The following KRT25 variants were observed in gnomAD, a reference collection of about 807,000 sequenced individuals.
The protein encoded by KRT25 is keratin, type I cytoskeletal 25.
Under a neutral mutation model 47.6 loss-of-function variants are expected in KRT25, and 37 were observed. The ratio of observed to expected loss-of-function variants is 0.78; its 90% CI spans 0.60 to 1.02. KRT25 has a LOEUF of 1.02. Ranked by LOEUF, KRT25 falls within the 50% of genes least tolerant of loss-of-function variation. The probability of loss-of-function intolerance (pLI) is 0.00; values close to 1 mark genes in which losing one functional copy is unlikely to be tolerated. For synonymous variants in KRT25, 203 were observed against 210.2 expected (o/e 0.97, Z 0.30); for missense variants, 542 against 550.3 (o/e 0.98, Z 0.15).
In KRT25 at chr17:40,751,048, T is replaced by C; in HGVS notation, c.863A>G (p.Asp288Gly). 6.2e-7 allele frequency: 1 copy of C among 1,614,144 alleles called. No individual in the cohort carries two copies. The highest frequency in any genetic ancestry group is 8.5e-7 in the Non-Finnish European group (1 of 1,180,010). ...CCGGGCTGAGGTTGTGGCTCCGACA[T>C]CCTCAGAGATCTGCTGCTGCAGGGA... ...SASLQQQISEDVGATTSARNE... is the reference protein window; with the variant it reads ...SASLQQQISEGVGATTSARNE... The change falls in exon 5 of 8, where the codon GAT becomes GGT. Residue 288 changes from aspartate to glycine, a missense_variant. Physicochemically the swap from Asp to Gly is moderately conservative, Grantham distance 94. Coordinates refer to ENST00000312150, the MANE Select transcript of KRT25 (RefSeq NM_181534.4).
chr17:40,749,309 C>T lies in KRT25; in HGVS notation c.1192G>A (p.Gly398Ser). The T allele has an allele frequency of 2.5e-6, 4 of 1,613,308 alleles. No homozygotes were observed. Among genetic ancestry groups the T allele is most frequent in the Non-Finnish European group, 3.4e-6 (4 of 1,179,302 alleles). The change falls in exon 7 of 8, where the codon GGT becomes AGT. Residue 398 changes from glycine to serine, a missense_variant. Physicochemically the swap from Gly to Ser is moderately conservative, Grantham distance 56. Coordinates refer to ENST00000312150, the MANE Select transcript of KRT25 (RefSeq NM_181534.4). ...GGDDGACKSG[G>S]YKSKDYGSGN... Reference sequence around the variant, plus strand: ...GATCCATAATCTTTAGACTTGTAACCCCCAGACTTACAGGCTCTGTGAAAA... The same window carrying T: ...GATCCATAATCTTTAGACTTGTAACTCCCAGACTTACAGGCTCTGTGAAAA...
At position 40,751,014 on chromosome 17, in the gene KRT25, C is replaced by T. The variant is rs751192305; in HGVS notation, c.897G>A (p.Leu299=). The T allele has an allele frequency of 2.5e-6, 4 of 1,614,146 alleles. No homozygotes were observed. The highest frequency in any genetic ancestry group is 8.5e-7 in the Non-Finnish European group (1 of 1,180,038). Residue 299 remains leucine, a synonymous_variant, in exon 5 of 8, where the codon CTG becomes CTA. Coordinates refer to ENST00000312150, the MANE Select transcript of KRT25 (RefSeq NM_181534.4). ...VGATTSARNE[L]TEMKRTLQTL... is the part of the protein sequence containing the mutation. ...TTTGAAGAGTGCGCTTCATTTCAGT[C>T]AGCTCATTCCGGGCTGAGGTTGTGG...
Position 40,750,551 on chromosome 17 carries a change from C to A in KRT25, c.1004G>T (p.Cys335Phe), listed in dbSNP as rs777692095. 6.2e-6 allele frequency: 10 copies of A among 1,614,108 alleles called. No individual in the cohort carries two copies. Among genetic ancestry groups the A allele is most frequent in the Non-Finnish European group, 8.5e-6 (10 of 1,180,054 alleles). Residue 335 changes from cysteine (C) to phenylalanine (F), a missense_variant, in exon 6 of 8, where the codon TGT (cysteine) becomes TTT (phenylalanine). Transcript: ENST00000312150. ...CSLTETESNYCAQLAQIQAQI... is the reference protein window; with the variant it reads ...CSLTETESNYFAQLAQIQAQI... ...AGCCTGGATCTGCGCCAGCTGCGCA[C>A]AGTAGTTGCTCTCGGTCTCTGTCAA...
At position 40,755,110 on chromosome 17, in the gene KRT25, C is replaced by A; in HGVS notation, c.162G>T (p.Ser54=). ...GATTACCTCCCCCTGTGTTTCCTCC[C>A]GATGAGCTGCCTCCGAAGGCACTAG... ...GFSSAFGGSS[S]GGNTGGGNPC... is the part of the protein sequence containing the mutation. The change falls in exon 1 of 8, where the codon TCG becomes TCT. Residue 54 remains serine (S), a synonymous_variant. Coordinates refer to ENST00000312150, the MANE Select transcript of KRT25 (RefSeq NM_181534.4). The A allele has an allele frequency of 1.2e-6, 2 of 1,614,148 alleles. No homozygotes were observed. The highest frequency in any genetic ancestry group is 1.7e-6 in the Non-Finnish European group (2 of 1,180,008).
intron 2 of KRT25, 63 bp downstream of exon 2, chr17:40,754,323 A>G: frequency 7.5e-7 from 1 of 1,341,014 alleles, no homozygotes; most frequent in Non-Finnish European, 1.1e-6. Context: ...AAGAGTTGCT[A>G]AATTTGATGT....
chr17:40,751,082 G>A lies in KRT25; in HGVS notation c.832-3C>T, dbSNP rs1346265550. The A allele has an allele frequency of 6.2e-7, 1 of 1,614,048 alleles. No individual in the cohort carries two copies. The highest frequency in any genetic ancestry group is 1.3e-5 in the African/African-American group (1 of 74,898). On this transcript the variant is annotated splice_polypyrimidine_tract_variant and splice_region_variant and intron_variant, in intron 4 of 7. Transcript: ENST00000312150. ...ATCTGCTGCTGCAGGGAGGCGCTCT[G>A]AAATGACATAAGTGAAGGAGCAAAT...
rs60610884 is a variant in KRT25 at position 40,753,683 on chromosome 17, C to CAAAAAAAAAAA, written c.669+166_669+176dup. 1.3e-4 allele frequency among the ~76,000 whole-genome samples: 4 copies of CAAAAAAAAAAA among 30,466 alleles called. 1 individual carries two copies. Among genetic ancestry groups the CAAAAAAAAAAA allele is most frequent in the Non-Finnish European group, 2.0e-4 (3 of 14,890 alleles). 20.0% of individuals were successfully genotyped at this position (30,466 alleles called of 152,430 possible). A position where few individuals can be genotyped will look rare whatever the true frequency, so the allele number is the denominator to read the frequency against. Reference sequence around the variant, plus strand: ...TGGACGGCAGAGCGAGACTCCGTCTCAAAAAAAAAAAAAAAAAAAAAAAAA... The same window carrying CAAAAAAAAAAA: ...TGGACGGCAGAGCGAGACTCCGTCTCAAAAAAAAAAAAAAAAAAAAAAAAAAAAAAAAAAAA... On this transcript the variant is annotated intron_variant, in intron 3 of 7. Coordinates refer to ENST00000312150, the MANE Select transcript of KRT25 (RefSeq NM_181534.4).
In KRT25 at chr17:40,755,276, T is replaced by A. The variant is rs1400323016; in HGVS notation, c.-5A>T. On this transcript the variant is annotated 5_prime_UTR_variant, in exon 1 of 8. Transcript: ENST00000312150. Reference sequence around the variant, plus strand: ...ACTGGAAAGTCGAAGAGACATGGTATCAGGGCAAACGCGTTGCAGAGCTGT... The same window carrying A: ...ACTGGAAAGTCGAAGAGACATGGTAACAGGGCAAACGCGTTGCAGAGCTGT... The A allele has an allele frequency of 6.2e-7, 1 of 1,611,664 alleles. No individual in the cohort carries two copies. The highest frequency in any genetic ancestry group is 8.5e-7 in the Non-Finnish European group (1 of 1,178,976).
At chr17:40,755,472 A>G, upstream of KRT25, 1 of 559,372 alleles carries the variant, frequency 1.8e-6, no homozygotes, top group South Asian at 2.4e-5. Context: ...TTAGTAACTC[A>G]CTTTGCTGGG....
chr17:40,748,468 T>C lies in KRT25; in HGVS notation c.1244-82A>G. On this transcript the variant is annotated intron_variant, in intron 7 of 7. Transcript: ENST00000312150. ...TATCATTTAAAGGAATAATAGGATT[T>C]GCATACAGAATGAACTTTGCACTAA... is the stretch of plus-strand genomic sequence containing the variant. 3 of 879,098 alleles carry C rather than the reference T, an allele frequency of 3.4e-6. No individual in the cohort carries two copies. The South Asian group carries it at 5.1e-5, about 15-fold the overall frequency. 54.5% of individuals were successfully genotyped at this position (879,098 alleles called of 1,614,324 possible).
At position 40,755,324 on chromosome 17, in the gene KRT25, T is replaced by A; in HGVS notation, c.-53A>T. On this transcript the variant is annotated 5_prime_UTR_variant, in exon 1 of 8. Transcript: ENST00000312150. Reference sequence around the variant, plus strand: ...TGTATTTGTGAAAGCCAGAATGGAGTGCCTTCTTGTCTAAAAGGTTTGGTT... The same window carrying A: ...TGTATTTGTGAAAGCCAGAATGGAGAGCCTTCTTGTCTAAAAGGTTTGGTT... The A allele has an allele frequency of 6.5e-7, 1 of 1,532,624 alleles. No homozygotes were observed. The highest frequency in any genetic ancestry group is 1.3e-5 in the South Asian group (1 of 79,500). The allele number at this position is 1,532,624 out of a possible 1,614,324, so 94.9% of individuals were successfully genotyped here. A position where few individuals can be genotyped will look rare whatever the true frequency, so the allele number is the denominator to read the frequency against.
chr17:40,754,770 A>G (rs2038089776), intron 1 of KRT25, 73 bp downstream of exon 1: 3 of 1,323,248 alleles, frequency 2.3e-6, no homozygotes, highest in Non-Finnish European at 3.1e-6. Context: ...TGTTTTTAGA[A>G]TTTAATAAAG....
rs143814728 is a variant in KRT25, at chr17:40,750,642, T to C, written c.958-45A>G. The C allele has an allele frequency of 9.7e-5, 156 of 1,606,552 alleles. No homozygotes were observed. The African/African-American group carries it at 1.9e-3, about 19-fold the overall frequency. On this transcript the variant is annotated intron_variant, in intron 5 of 7. Transcript: ENST00000312150. ...AGAACTTGAAATGGATATGCAGATA[T>C]GCAGGGATTTCTTTGATACATGATT...
chr17:40,754,098 C>T, intron 2 of KRT25, 82 bp from the exon 3 acceptor site: 2 of 1,371,888 alleles, frequency 1.5e-6, no homozygotes, highest in East Asian at 4.6e-5. Context: ...CAAATGCTAG[C>T]ATTCTGGAAT....
chr17:40,749,156 C>T (rs138181402), intron 7 of KRT25, 102 bp downstream of exon 7: 593 of 821,510 alleles, frequency 7.2e-4, no homozygotes, highest in Middle Eastern at 5.0e-3. Flanking sequence ...CTCCGTGACA[C>T]GTGTTTACCT....
chr17:40,751,164 C>G lies in KRT25; in HGVS notation c.831+1G>C. On this transcript the variant is annotated splice_donor_variant, in intron 4 of 7. Transcript: ENST00000312150. LOFTEE classifies it high-confidence loss of function. ...GGGACCGTTTTCTGGAGGAGAGTCA[C>G]CTTCTCGTTGAACCAGGCCTCCGCG... 6.2e-7 allele frequency: 1 copy of G among 1,614,086 alleles called. No homozygotes were observed. The highest frequency in any genetic ancestry group is 8.5e-7 in the Non-Finnish European group (1 of 1,179,978).
In KRT25 at chr17:40,753,856, T is replaced by C. The variant is rs781288231; in HGVS notation, c.669+4A>G. The C allele has an allele frequency of 5.0e-5, 80 of 1,613,734 alleles. No individual in the cohort carries two copies. Among genetic ancestry groups the C allele is most frequent in the Non-Finnish European group, 6.1e-5 (72 of 1,179,872 alleles). On this transcript the variant is annotated splice_donor_region_variant and intron_variant, in intron 3 of 7. Transcript: ENST00000312150. ...ATAGCAAAATGTAGACGACCAGCTCTTACCTCTTTATGGTTCTTTTTGAGG... is the reference window on the plus strand; with the variant it reads ...ATAGCAAAATGTAGACGACCAGCTCCTACCTCTTTATGGTTCTTTTTGAGG...
intron 6 of KRT25, among the ~76,000 whole-genome samples, chr17:40,749,734 T>G (rs959029742): frequency 1.3e-5 from 2 of 152,134 alleles, no homozygotes; most frequent in African/African-American, 4.8e-5. Flanking sequence ...TGATGATAGG[T>G]GGGGAAGAGT....
At position 40,753,948 on chromosome 17, in the gene KRT25, T is replaced by C. The variant is rs755273304; in HGVS notation, c.581A>G (p.Asp194Gly). The C allele has an allele frequency of 3.1e-6, 5 of 1,613,872 alleles. No individual in the cohort carries two copies. The highest frequency in any genetic ancestry group is 1.3e-5 in the African/African-American group (1 of 74,880). The change falls in exon 3 of 8, where the codon GAT (aspartate) becomes GGT (glycine). Residue 194 changes from aspartate to glycine, a missense_variant. Physicochemically the swap from Asp to Gly is moderately conservative, Grantham distance 94. Transcript: ENST00000312150. Reference protein sequence around the residue: ...ADVNGLRRVLDEITLCRTDLE... With the variant: ...ADVNGLRRVLGEITLCRTDLE... Reference sequence around the variant, plus strand: ...ATCTGTTCTGCACAGGGTTATTTCATCCAAAACTCTTCGTAACCCATTGAC... The same window carrying C: ...ATCTGTTCTGCACAGGGTTATTTCACCCAAAACTCTTCGTAACCCATTGAC...
Sources: allele counts gnomAD v4.1 joint callset (sites outside exome capture counted in the v4.1 genomes callset), GRCh38; gene constraint gnomAD v4.1.1; transcripts MANE v1.5; gene names NCBI Gene and HGNC (gene_info 2026-07-23, HGNC 2026-07-21).